Variants in BMAL2 observed in about 807,000 individuals in gnomAD.
The protein encoded by BMAL2 is basic helix-loop-helix ARNT like 2.
the BMAL2 span, among the ~76,000 whole-genome samples, chr12:27,344,475 G>A: frequency 6.6e-6 from 1 of 152,182 alleles, no homozygotes; most frequent in African/African-American, 2.4e-5. Context: ...GCAACTGTGG[G>A]GCTGGTTAGG....
At chr12:27,413,000 G>GAA in the BMAL2 span, among the ~76,000 whole-genome samples, 1 of 137,542 alleles carries the variant, frequency 7.3e-6, no homozygotes, top group South Asian at 2.3e-4. Context: ...GTGCTGCAAG[G>GAA]AAAAAAAAAA....
At chr12:27,390,125 G>A in the BMAL2 span, 6 of 1,613,738 alleles carry the variant, frequency 3.7e-6, no homozygotes, top group African/African-American at 2.7e-5. Flanking sequence ...TAATCTCCAC[G>A]CTGGAAGGAC....
the BMAL2 span, among the ~76,000 whole-genome samples, chr12:27,346,797 T>C: frequency 6.6e-6 from 1 of 152,244 alleles, no homozygotes; most frequent in Non-Finnish European, 1.5e-5. Flanking sequence ...AACCTCATGT[T>C]GAAGTTTGAT....
the BMAL2 span, chr12:27,394,651 TAG>T: frequency 6.6e-6 from 1 of 152,226 alleles, no homozygotes; most frequent in African/African-American, 2.4e-5. Flanking sequence ...ACATTTTTTT[TAG>T]ATTTTATCTC....
At chr12:27,403,365 T>C in the BMAL2 span, 3 of 1,074,722 alleles carry the variant, frequency 2.8e-6, no homozygotes, top group South Asian at 2.7e-5. Flanking sequence ...AGGAGAGAAC[T>C]GTGAAATTAT....
the BMAL2 span, chr12:27,389,152 T>A: frequency 1.4e-6 from 2 of 1,436,344 alleles, no homozygotes; most frequent in Non-Finnish European, 2.0e-6. Flanking sequence ...GGTACTGATT[T>A]TAAATGAATG....
chr12:27,336,456 T>C, the BMAL2 span, among the ~76,000 whole-genome samples: 3 of 152,130 alleles, frequency 2.0e-5, no homozygotes, highest in Middle Eastern at 3.2e-3. Flanking sequence ...AGGTGAGATA[T>C]GTTCTCTGTA....
chr12:27,335,772 GGA>G, the BMAL2 span, among the ~76,000 whole-genome samples: 1 of 151,862 alleles, frequency 6.6e-6, no homozygotes, highest in Non-Finnish European at 1.5e-5. Context: ...AAAGAGAGGA[GGA>G]GAGGGGAAAG....
At chr12:27,399,960 G>T in the BMAL2 span, among the ~76,000 whole-genome samples, 4 of 152,132 alleles carry the variant, frequency 2.6e-5, no homozygotes, top group South Asian at 8.3e-4. Flanking sequence ...TTCCTAAAAA[G>T]TGAAATTTAT....
the BMAL2 span, among the ~76,000 whole-genome samples, chr12:27,402,428 G>A: frequency 6.6e-6 from 1 of 152,136 alleles, no homozygotes; most frequent in Non-Finnish European, 1.5e-5. Context: ...TAGAGGAATG[G>A]GGCATTTGGC....
chr12:27,397,255 A>G, the BMAL2 span, among the ~76,000 whole-genome samples: 1 of 152,142 alleles, frequency 6.6e-6, no homozygotes, highest in Non-Finnish European at 1.5e-5. Context: ...TATTTTTAGT[A>G]GAGATGGGGT....
chr12:27,364,433 AT>A, the BMAL2 span, among the ~76,000 whole-genome samples: 11 of 151,898 alleles, frequency 7.2e-5, no homozygotes, highest in African/African-American at 1.9e-4. Context: ...TTAAAAAGTT[AT>A]TTTTTTTCCC....
At chr12:27,405,718 C>T in the BMAL2 span, among the ~76,000 whole-genome samples, 1 of 152,292 alleles carries the variant, frequency 6.6e-6, no homozygotes, top group East Asian at 1.9e-4. Flanking sequence ...AACGCAGCTC[C>T]TTACCAGCAA....
the BMAL2 span, among the ~76,000 whole-genome samples, chr12:27,396,055 C>T: frequency 3.8e-3 from 579 of 152,234 alleles, 2 homozygotes; most frequent in Non-Finnish European, 6.3e-3. Context: ...TGACTGTATT[C>T]GTAGTTAGAG....
At chr12:27,373,622 G>A in the BMAL2 span, among the ~76,000 whole-genome samples, 1 of 152,160 alleles carries the variant, frequency 6.6e-6, no homozygotes, top group Admixed American at 6.5e-5. Context: ...GTGAAGGCAT[G>A]GCTCTGAAGT....
the BMAL2 span, among the ~76,000 whole-genome samples, chr12:27,356,544 T>A: frequency 3.3e-5 from 5 of 152,202 alleles, no homozygotes; most frequent in African/African-American, 1.2e-4. Flanking sequence ...TGCGTGTATG[T>A]CTTACAAAAG....
At chr12:27,400,872 T>C in the BMAL2 span, 222 of 1,148,042 alleles carry the variant, frequency 1.9e-4, 6 homozygotes, top group South Asian at 4.0e-3. Flanking sequence ...TTTTTCTTTT[T>C]TCTGTTTCAG....
chr12:27,420,635 T>G, the BMAL2 span: 254 of 1,268,420 alleles, frequency 2.0e-4, 6 homozygotes, highest in South Asian at 4.6e-3. Context: ...TGTTTGTATC[T>G]TTTATTAATG....
the BMAL2 span, chr12:27,420,682 C>A: frequency 1.1e-6 from 1 of 932,628 alleles, no homozygotes; most frequent in Non-Finnish European, 1.5e-6. Flanking sequence ...CTTCCTGTCA[C>A]AGGGATGTGG....
Sources: allele counts gnomAD v4.1 joint callset (sites outside exome capture counted in the v4.1 genomes callset), GRCh38; gene constraint gnomAD v4.1.1; transcripts MANE v1.5; gene names NCBI Gene and HGNC (gene_info 2026-07-23, HGNC 2026-07-21).